CPAMD8: variants seen among roughly 807,000 people sequenced by gnomAD.
The protein encoded by CPAMD8 is C3 and PZP like alpha-2-macroglobulin domain containing 8, also known as C3 and PZP-like alpha-2-macroglobulin domain-containing protein 8.
CPAMD8 carries 146 observed loss-of-function variants against 224.7 expected under a neutral mutation model. That is an observed-to-expected ratio of 0.65 (90% confidence interval 0.57 to 0.75). The LOEUF (loss-of-function observed/expected upper bound fraction) is 0.75, where lower values mean the gene tolerates loss of function less well. Ranked by LOEUF, CPAMD8 falls within the 30% of genes least tolerant of loss-of-function variation. The pLI is 0.00. For synonymous variants in CPAMD8, 966 were observed against 1,044.6 expected, an observed-to-expected ratio of 0.92 and a Z score of 1.45; for missense variants, 2,301 against 2,537.5, an observed-to-expected ratio of 0.91 and a Z score of 2.00.
intron 14 of CPAMD8, among the ~76,000 whole-genome samples, chr19:16,978,782 T>C (rs1318827853): frequency 6.6e-6 from 1 of 151,584 alleles, no homozygotes; most frequent in Non-Finnish European, 1.5e-5. Flanking sequence ...TCTTTCTATC[T>C]ATCCATCCAT....
Position 16,896,658 on chromosome 19 carries a change from G to C in CPAMD8, c.5073C>G (p.Phe1691Leu), listed in dbSNP as rs994367856. The C allele has an allele frequency of 4.8e-6, 7 of 1,459,992 alleles. No individual in the cohort carries two copies. Among genetic ancestry groups the C allele is most frequent in the African/African-American group, 2.9e-5 (2 of 69,076 alleles). The allele number at this position is 1,459,992 out of a possible 1,614,324, so 90.4% of individuals were successfully genotyped here. The change falls in exon 40 of 42, where the codon TTC (phenylalanine) becomes TTG (leucine). Residue 1691 changes from phenylalanine (F) to leucine (L), a missense_variant. Phe to Leu is a conservative substitution (Grantham distance 22, BLOSUM62 0). Transcript: ENST00000443236. ...ERAPARGPGW[F>L]PGESGPAVAP... ...CCACGGCAGGGCCCGACTCGCCGGGGAACCAGCCTGGGGGACGAGGCAGGC... is the reference window on the plus strand; with the variant it reads ...CCACGGCAGGGCCCGACTCGCCGGGCAACCAGCCTGGGGGACGAGGCAGGC...
chr19:16,897,811 G>C lies in CPAMD8; in HGVS notation c.4955-10C>G, dbSNP rs2052085124. On this transcript the variant is annotated splice_polypyrimidine_tract_variant and intron_variant, in intron 38 of 41. Transcript: ENST00000443236. ...CGAGTGGCCTCGAAGGCTACGGGAC[G>C]AGGGTGGCGGGTGACCAAGTGCAGG... The C allele has an allele frequency of 1.3e-6, 2 of 1,576,872 alleles. No homozygotes were observed. Among genetic ancestry groups the C allele is most frequent in the East Asian group, 2.3e-5 (1 of 43,990 alleles).
chr19:16,988,805 A>C (rs2055836464), intron 13 of CPAMD8, among the ~76,000 whole-genome samples: 1 of 152,100 alleles, frequency 6.6e-6, no homozygotes, highest in Non-Finnish European at 1.5e-5. Flanking sequence ...ACCAGGTCAC[A>C]CAGCAGGAGG....
chr19:16,940,416 G>T (rs1202690059), intron 22 of CPAMD8, among the ~76,000 whole-genome samples: 1 of 152,060 alleles, frequency 6.6e-6, no homozygotes. Context: ...GACTGGCTTA[G>T]GGCCACTCAC....
chr19:16,966,682 G>A (rs1206739027), intron 18 of CPAMD8, among the ~76,000 whole-genome samples: 1 of 152,086 alleles, frequency 6.6e-6, no homozygotes, highest in East Asian at 1.9e-4. Flanking sequence ...AGTGGGCAAA[G>A]GATATGAACA....
At chr19:16,895,656 C>G (rs2051932381) in intron 41 of CPAMD8, 1 of 346,566 alleles carries the variant, frequency 2.9e-6, no homozygotes, top group Non-Finnish European at 5.7e-6. Flanking sequence ...GGCAAAACTT[C>G]CCTAGTCCAA....
At chr19:16,953,969 C>T (rs1349608646) in intron 19 of CPAMD8, among the ~76,000 whole-genome samples, 3 of 151,830 alleles carry the variant, frequency 2.0e-5, no homozygotes, top group African/African-American at 7.3e-5. Context: ...AAAGAAAAGG[C>T]AAGAAAAAAG....
intron 13 of CPAMD8, among the ~76,000 whole-genome samples, chr19:16,989,204 C>T (rs144190412): frequency 8.7e-4 from 132 of 152,238 alleles, no homozygotes; most frequent in African/African-American, 2.9e-3. Flanking sequence ...CCCCCGTGCC[C>T]GTGCCCCCGT....
chr19:16,947,208 A>G lies in CPAMD8; in HGVS notation c.2528T>C (p.Val843Ala). 1 of 1,613,074 alleles carries G rather than the reference A, an allele frequency of 6.2e-7. No homozygotes were observed. Among genetic ancestry groups the G allele is most frequent in the Non-Finnish European group, 8.5e-7 (1 of 1,179,488 alleles). Residue 843 changes from valine to alanine, a missense_variant, in exon 21 of 42, where the codon GTT (valine) becomes GCT (alanine). Coordinates refer to ENST00000443236, the MANE Select transcript of CPAMD8 (RefSeq NM_015692.5). Reference sequence around the variant, plus strand: ...CCCAACAAACTGGATGCCCTTGGGAACCGAGAGCTTCATGTACACCTGCAG... The same window carrying G: ...CCCAACAAACTGGATGCCCTTGGGAGCCGAGAGCTTCATGTACACCTGCAG... ...TCAEVYMKLS[V>A]PKGIQFVGHP...
At chr19:16,915,751 A>T (rs1480977833) in intron 27 of CPAMD8, among the ~76,000 whole-genome samples, 1 of 152,156 alleles carries the variant, frequency 6.6e-6, no homozygotes, top group Non-Finnish European at 1.5e-5. Context: ...GCTGTCTTCA[A>T]AATCAAGTGG....
In CPAMD8 at chr19:16,907,008, C is replaced by T. The variant is rs746971695; in HGVS notation, c.3971G>A (p.Arg1324His). The T allele has an allele frequency of 1.4e-4, 220 of 1,604,626 alleles. No individual in the cohort carries two copies. Among genetic ancestry groups the T allele is most frequent in the Non-Finnish European group, 1.7e-4 (205 of 1,177,168 alleles). The change falls in exon 30 of 42, where the codon CGC (arginine) becomes CAC (histidine). Residue 1324 changes from arginine to histidine, a missense_variant. Arg to His is a conservative substitution (Grantham distance 29). This residue lies in a region of CPAMD8 where 1,709 missense variants were observed against 1,753.2 expected (regional missense o/e 0.97). Coordinates refer to ENST00000443236, the MANE Select transcript of CPAMD8 (RefSeq NM_015692.5). ...CAGTGCCTCAGGGGCTGCCGGGCTG[C>T]GGAGCAGGGTCAGCGCGTAGGTAGT... is the stretch of plus-strand genomic sequence containing the variant. Reference protein sequence around the residue: ...ALTTYALTLLRSPAAPEALRK... With the variant: ...ALTTYALTLLHSPAAPEALRK...
chr19:16,902,187 T>G (rs921000310), intron 35 of CPAMD8, among the ~76,000 whole-genome samples: 1 of 151,540 alleles, frequency 6.6e-6, no homozygotes, highest in Non-Finnish European at 1.5e-5. Flanking sequence ...CCGACCATAC[T>G]GGAGTCTTCT....
In CPAMD8 at chr19:16,975,985, C is replaced by T; in HGVS notation, c.1908+17G>A. ...CCCCGTGGAGGTCTAGAACCCAAGC[C>T]CGAGGGGTCTGCTCACCTGGGCAGG... On this transcript the variant is annotated intron_variant, in intron 16 of 41. Coordinates refer to ENST00000443236, the MANE Select transcript of CPAMD8 (RefSeq NM_015692.5). 6 of 1,564,354 alleles carry T rather than the reference C, an allele frequency of 3.8e-6. No homozygotes were observed. Among genetic ancestry groups the T allele is most frequent in the Non-Finnish European group, 5.2e-6 (6 of 1,153,320 alleles).
intron 3 of CPAMD8, among the ~76,000 whole-genome samples, chr19:17,012,228 A>C (rs1239081588): frequency 6.6e-6 from 1 of 152,146 alleles, no homozygotes; most frequent in Non-Finnish European, 1.5e-5. Flanking sequence ...CATGTTGGCC[A>C]GGCTGGTCTT....
intron 25 of CPAMD8, among the ~76,000 whole-genome samples, chr19:16,927,051 T>C (rs1440043948): frequency 6.6e-6 from 1 of 151,992 alleles, no homozygotes; most frequent in East Asian, 1.9e-4. Context: ...TCCCAAACTC[T>C]CACCACCCTT....
intron 20 of CPAMD8, among the ~76,000 whole-genome samples, chr19:16,948,733 AAAG>A (rs2054186653): frequency 6.7e-6 from 1 of 149,536 alleles, no homozygotes; most frequent in South Asian, 2.2e-4. Flanking sequence ...GACTCCATCA[AAAG>A]AAGAAGAAAA....
At chr19:16,921,863 C>A (rs142232220) in intron 27 of CPAMD8, 42 bp downstream of exon 27, 3 of 1,344,874 alleles carry the variant, frequency 2.2e-6, no homozygotes, top group African/African-American at 1.4e-5. Flanking sequence ...TGGCGTCGGG[C>A]GGGGAGCCTC....
chr19:16,986,019 G>A (rs1335692139), intron 13 of CPAMD8, among the ~76,000 whole-genome samples: 1 of 151,944 alleles, frequency 6.6e-6, no homozygotes, highest in Admixed American at 6.6e-5. Context: ...GAGATCTTGG[G>A]GGGAAAAGGA....
intron 3 of CPAMD8, among the ~76,000 whole-genome samples, chr19:17,016,772 AAG>A (rs1196614332): frequency 6.6e-6 from 1 of 151,924 alleles, no homozygotes. Flanking sequence ...AAAAGAGAGA[AAG>A]AGAGAGAAAA....
Sources: allele counts gnomAD v4.1 joint callset (sites outside exome capture counted in the v4.1 genomes callset), GRCh38; gene constraint gnomAD v4.1.1; regional missense constraint gnomAD v4.1.1; transcripts MANE v1.5; gene names NCBI Gene and HGNC (gene_info 2026-07-23, HGNC 2026-07-21).